EYA2: variants seen among roughly 807,000 people sequenced by gnomAD.
EYA2 encodes the protein protein phosphatase EYA2.
In EYA2, 31 loss-of-function variants were observed where a neutral mutation model predicts 69.2. The observed-to-expected ratio is 0.45, with a 90% CI of 0.34 to 0.60. EYA2 has a LOEUF of 0.60. Ranked by LOEUF, EYA2 falls within the 20% of genes least tolerant of loss-of-function variation. EYA2 has a pLI of 0.02. For missense variants in EYA2, 622 were observed against 701.2 expected (o/e 0.89, Z 1.28); for synonymous variants, 257 against 279.4 (o/e 0.92, Z 0.80).
At chr20:47,165,579 G>A (rs912148059) in intron 10 of EYA2, among the ~76,000 whole-genome samples, 2 of 152,182 alleles carry the variant, frequency 1.3e-5, no homozygotes, top group Admixed American at 1.3e-4. Context: ...CCAAACCCAG[G>A]GTGCTGCCCG....
intron 7 of EYA2, among the ~76,000 whole-genome samples, chr20:47,082,804 C>G (rs1314574944): frequency 1.3e-5 from 2 of 152,166 alleles, no homozygotes; most frequent in African/African-American, 4.8e-5. Flanking sequence ...AGGGCTAAGA[C>G]TACCTGATTT....
intron 15 of EYA2, among the ~76,000 whole-genome samples, chr20:47,186,361 T>G (rs1290930758): frequency 7.0e-6 from 1 of 142,820 alleles, no homozygotes; most frequent in African/African-American, 2.6e-5. Flanking sequence ...TTTTTTTTTT[T>G]TTTTTTTTTT....
At chr20:47,176,076 CTTTTTTTTTTTT>C (rs35654076) in intron 12 of EYA2, among the ~76,000 whole-genome samples, 18 of 112,494 alleles carry the variant, frequency 1.6e-4, no homozygotes, top group Non-Finnish European at 5.5e-5. Context: ...CACTTAAATT[CTTTTTTTTTTTT>C]TTTTTTTTTG....
intron 1 of EYA2, among the ~76,000 whole-genome samples, chr20:46,953,127 A>G (rs1166161640): frequency 6.6e-6 from 1 of 152,222 alleles, no homozygotes; most frequent in Non-Finnish European, 1.5e-5. Flanking sequence ...AAAGGGAGAT[A>G]CTTGAGTTGT....
At chr20:47,180,155 C>T (rs567582786) in intron 13 of EYA2, among the ~76,000 whole-genome samples, 4 of 152,190 alleles carry the variant, frequency 2.6e-5, no homozygotes, top group South Asian at 2.1e-4. Context: ...GCCTCAGCCT[C>T]CTGAGTAGCT....
At chr20:46,981,971 A>G (rs1387444045) in intron 1 of EYA2, among the ~76,000 whole-genome samples, 1 of 152,180 alleles carries the variant, frequency 6.6e-6, no homozygotes, top group African/African-American at 2.4e-5. Flanking sequence ...GTTATCCTAA[A>G]TATTATAGGA....
intron 9 of EYA2, among the ~76,000 whole-genome samples, chr20:47,133,342 A>G (rs777705589): frequency 6.6e-6 from 1 of 152,138 alleles, no homozygotes; most frequent in Non-Finnish European, 1.5e-5. Context: ...ATCAATCACT[A>G]TGATTCTAGC....
At chr20:47,053,585 C>T (rs1310234136) in intron 5 of EYA2, among the ~76,000 whole-genome samples, 1 of 149,554 alleles carries the variant, frequency 6.7e-6, no homozygotes, top group African/African-American at 2.5e-5. Context: ...GAGAAACAAC[C>T]GAGCCCAGGA....
chr20:47,056,929 C>T (rs1320998928), intron 5 of EYA2, among the ~76,000 whole-genome samples: 2 of 151,972 alleles, frequency 1.3e-5, no homozygotes, highest in Non-Finnish European at 2.9e-5. Flanking sequence ...CCTGTAGTCC[C>T]AGCTGCTTGG....
At chr20:47,010,723 A>T (rs1219964625) in intron 4 of EYA2, among the ~76,000 whole-genome samples, 1 of 151,286 alleles carries the variant, frequency 6.6e-6, no homozygotes, top group African/African-American at 2.4e-5. Flanking sequence ...TATATATAAA[A>T]TATGGAACCT....
chr20:47,037,374 C>G (rs189157556), intron 5 of EYA2, among the ~76,000 whole-genome samples: 2 of 152,310 alleles, frequency 1.3e-5, no homozygotes, highest in South Asian at 4.1e-4. Context: ...TCATGCAACA[C>G]TGAGAATAGA....
In EYA2 at chr20:46,899,317, C is replaced by T. The variant is rs149660476; in HGVS notation, c.-11+4330C>T. Among the ~76,000 whole-genome samples, 280 of 152,266 alleles carry T rather than the reference C, an allele frequency of 1.8e-3. 4 individuals are homozygous for T. The Middle Eastern group carries it at 0.02, about 11-fold the overall frequency. On this transcript the variant is annotated intron_variant, in intron 1 of 15. Transcript: ENST00000327619. Reference sequence around the variant, plus strand: ...CAGTTATTTTCTGAACCTGCCCTGACGTTTTTTGCCACTGTCGTTTGAAAT... The same window carrying T: ...CAGTTATTTTCTGAACCTGCCCTGATGTTTTTTGCCACTGTCGTTTGAAAT...
chr20:46,964,096 T>G (rs1054142093), intron 1 of EYA2, among the ~76,000 whole-genome samples: 23 of 152,172 alleles, frequency 1.5e-4, no homozygotes, highest in African/African-American at 5.6e-4. Flanking sequence ...ATGAGGTCAG[T>G]GTGGTTTTTT....
chr20:46,984,067 C>T (rs1451647360), intron 1 of EYA2, among the ~76,000 whole-genome samples: 1 of 151,998 alleles, frequency 6.6e-6, no homozygotes, highest in Non-Finnish European at 1.5e-5. Flanking sequence ...TTGTTTTCTT[C>T]AATATGGAGA....
At chr20:46,987,319 T>C (rs1464750942) in intron 1 of EYA2, among the ~76,000 whole-genome samples, 1 of 152,226 alleles carries the variant, frequency 6.6e-6, no homozygotes, top group African/African-American at 2.4e-5. Flanking sequence ...ATAGTATCCT[T>C]CTTTTGATTA....
At position 46,987,081 on chromosome 20, in the gene EYA2, G is replaced by A. The variant is rs181464960; in HGVS notation, c.-10-2920G>A. On this transcript the variant is annotated intron_variant, in intron 1 of 15. Transcript: ENST00000327619. ...AAAACATACAAAAGTAGGGTACCCA[G>A]CATCCTGCTTAACTGATACAGGGGT... is the stretch of plus-strand genomic sequence containing the variant. 4.6e-4 allele frequency among the ~76,000 whole-genome samples: 70 copies of A among 152,294 alleles called. No homozygotes were observed. In the East Asian group the frequency reaches 0.013, roughly 28 times the overall value.
At chr20:47,131,933 A>G (rs1366859474) in intron 9 of EYA2, among the ~76,000 whole-genome samples, 4 of 152,200 alleles carry the variant, frequency 2.6e-5, no homozygotes. Flanking sequence ...TATGATCATG[A>G]TAACAAGTTT....
chr20:47,065,513 TATAAA>T (rs1208463149), intron 5 of EYA2, among the ~76,000 whole-genome samples: 1 of 151,908 alleles, frequency 6.6e-6, no homozygotes, highest in African/African-American at 2.4e-5. Flanking sequence ...AAAAAAAAAT[TATAAA>T]AGAACCCTGG....
intron 2 of EYA2, among the ~76,000 whole-genome samples, chr20:46,992,207 T>C (rs1193329011): frequency 6.6e-6 from 1 of 152,238 alleles, no homozygotes; most frequent in Non-Finnish European, 1.5e-5. Context: ...TCGGCACTTG[T>C]CGTGTCCCAG....
Sources: gnomAD v4.1 joint callset for allele counts (sites outside exome capture counted in the v4.1 genomes callset) on GRCh38, gnomAD v4.1.1 for gene constraint, MANE v1.5 for transcripts, NCBI Gene and HGNC (gene_info 2026-07-23, HGNC 2026-07-21) for gene names.